The following SEMA3A variants were observed in gnomAD, a reference collection of about 807,000 sequenced individuals.
SEMA3A encodes semaphorin 3A, also known as semaphorin-3A.
In SEMA3A, 29 loss-of-function variants were observed where a neutral mutation model predicts 97.9. That is an observed-to-expected ratio of 0.30 (90% CI 0.22 to 0.40). The LOEUF (loss-of-function observed/expected upper bound fraction) is 0.40, where lower values mean the gene tolerates loss of function less well. Among genes scored for constraint, SEMA3A ranks in the 10% least tolerant of loss-of-function variants. The pLI is 1.00. For missense variants in SEMA3A, 763 were observed against 951.3 expected, an observed-to-expected ratio of 0.80 and a Z score of 2.60; for synonymous variants, 321 against 323.7, an observed-to-expected ratio of 0.99 and a Z score of 0.09.
intron 1 of SEMA3A, among the ~76,000 whole-genome samples, chr7:84,193,043 A>G (rs913267279): frequency 6.6e-6 from 1 of 151,996 alleles, no homozygotes; most frequent in Non-Finnish European, 1.5e-5. Flanking sequence ...TTAATTAAAT[A>G]ACGCTACATG....
At chr7:84,288,619 A>G (rs541200939) in intron 3 of SEMA3A, among the ~76,000 whole-genome samples, 1 of 151,936 alleles carries the variant, frequency 6.6e-6, no homozygotes, top group African/African-American at 2.4e-5. Flanking sequence ...AACTGCTTGA[A>G]CCCGGGAGGT....
At chr7:84,256,973 T>C (rs930074961) in intron 3 of SEMA3A, among the ~76,000 whole-genome samples, 16 of 152,122 alleles carry the variant, frequency 1.1e-4, no homozygotes, top group Non-Finnish European at 7.4e-5. Flanking sequence ...TTCTTTTTTT[T>C]TCTCTTTTGA....
chr7:84,037,914 C>T (rs1791999532), intron 6 of SEMA3A, among the ~76,000 whole-genome samples: 1 of 151,832 alleles, frequency 6.6e-6, no homozygotes, highest in South Asian at 2.1e-4. Context: ...CATGTAGTAA[C>T]CCATATATTT....
At chr7:84,213,512 T>C (rs547545245) in intron 3 of SEMA3A, among the ~76,000 whole-genome samples, 6 of 152,314 alleles carry the variant, frequency 3.9e-5, no homozygotes, top group Non-Finnish European at 7.4e-5. Context: ...CTTGAACTCC[T>C]GGCTCCCAAG....
intron 4 of SEMA3A, among the ~76,000 whole-genome samples, chr7:84,085,241 A>ATTT (rs34047125): frequency 0.012 from 1,883 of 150,884 alleles, 76 homozygotes; most frequent in East Asian, 0.12. Flanking sequence ...TTGGAATGAG[A>ATTT]TTTTTTTTTC....
intron 1 of SEMA3A, among the ~76,000 whole-genome samples, chr7:84,390,849 TA>T (rs1252442856): frequency 6.6e-6 from 1 of 152,156 alleles, no homozygotes; most frequent in Non-Finnish European, 1.5e-5. Flanking sequence ...AATGAGGAGT[TA>T]AAAATCAGAA....
At position 84,385,208 on chromosome 7, in the gene SEMA3A, G is replaced by C. The variant is rs566321764; in HGVS notation, c.-245-13308C>G. On this transcript the variant is annotated intron_variant, in intron 1 of 3. Coordinates refer to the SEMA3A transcript ENST00000424555. ...CCATAGACGTTTTGGTTCTAGCAAG[G>C]AGGCATTGTGAGGGGTGCTGAGCTG... Among the ~76,000 whole-genome samples, 7 of 152,222 alleles carry C rather than the reference G, an allele frequency of 4.6e-5. No individual in the cohort carries two copies. In the East Asian group the frequency reaches 1.4e-3, roughly 29 times the overall value.
intron 2 of SEMA3A, among the ~76,000 whole-genome samples, chr7:84,348,546 C>A (rs1040588084): frequency 2.6e-5 from 4 of 152,096 alleles, no homozygotes; most frequent in Non-Finnish European, 4.4e-5. Context: ...AAAAGCCAGA[C>A]CCCTAAAGTA....
intron 5 of SEMA3A, among the ~76,000 whole-genome samples, chr7:84,046,986 G>A (rs1217935820): frequency 6.6e-6 from 1 of 151,780 alleles, no homozygotes; most frequent in African/African-American, 2.4e-5. Context: ...TATTTTTCTT[G>A]CCAGAATTTT....
At chr7:84,020,838 C>A (rs1336741796) in intron 6 of SEMA3A, among the ~76,000 whole-genome samples, 1 of 152,090 alleles carries the variant, frequency 6.6e-6, no homozygotes, top group Non-Finnish European at 1.5e-5. Context: ...CTTCCCCCTG[C>A]ATTATCTATT....
chr7:84,210,613 G>C (rs1338969059), intron 3 of SEMA3A, among the ~76,000 whole-genome samples: 2 of 152,194 alleles, frequency 1.3e-5, no homozygotes, highest in Non-Finnish European at 2.9e-5. Context: ...TTAAGGAAGA[G>C]AATGCCATGG....
At chr7:84,288,963 A>T (rs1186298708) in intron 3 of SEMA3A, among the ~76,000 whole-genome samples, 1 of 152,128 alleles carries the variant, frequency 6.6e-6, no homozygotes, top group Non-Finnish European at 1.5e-5. Context: ...GGAAAAACCT[A>T]TGTGTCCTTC....
intron 2 of SEMA3A, among the ~76,000 whole-genome samples, chr7:84,132,633 T>C (rs939960887): frequency 3.4e-5 from 5 of 148,540 alleles, no homozygotes; most frequent in African/African-American, 1.2e-4. Context: ...CTAAAATCAA[T>C]ATATCTAATT....
chr7:84,408,511 A>C (rs536348529), intron 1 of SEMA3A, among the ~76,000 whole-genome samples: 4 of 152,058 alleles, frequency 2.6e-5, no homozygotes, highest in African/African-American at 7.3e-5. Context: ...TAGAACTAGA[A>C]ATACCATCTG....
At chr7:84,366,687 C>T (rs756267826) in intron 2 of SEMA3A, among the ~76,000 whole-genome samples, 8 of 151,332 alleles carry the variant, frequency 5.3e-5, no homozygotes, top group Non-Finnish European at 8.9e-5. Context: ...GGCAGAATTA[C>T]TTAAGTCTCC....
chr7:84,417,135 C>T (rs1478612937), intron 1 of SEMA3A, among the ~76,000 whole-genome samples: 2 of 152,008 alleles, frequency 1.3e-5, no homozygotes, highest in East Asian at 1.9e-4. Context: ...AGCAATCTTG[C>T]TCCAACCATG....
chr7:84,313,356 GTATATA>G (rs869145201), intron 2 of SEMA3A, among the ~76,000 whole-genome samples: 1,591 of 22,440 alleles, frequency 0.071, 31 homozygotes, highest in Admixed American at 0.12. Context: ...ATGTGTGTGT[GTATATA>G]TATATATATA....
intron 15 of SEMA3A, among the ~76,000 whole-genome samples, chr7:83,964,642 T>C (rs1201371254): frequency 6.6e-6 from 1 of 152,198 alleles, no homozygotes; most frequent in Non-Finnish European, 1.5e-5. Flanking sequence ...CCTCAGTGCC[T>C]GTTTCTCAAA....
At chr7:84,153,507 C>A (rs2116134295) in intron 1 of SEMA3A, among the ~76,000 whole-genome samples, 1 of 152,128 alleles carries the variant, frequency 6.6e-6, no homozygotes, top group African/African-American at 2.4e-5. Context: ...GAATTTTTTC[C>A]CCCAAAGGAA....
Sources: allele counts gnomAD v4.1 joint callset (sites outside exome capture counted in the v4.1 genomes callset), GRCh38; gene constraint gnomAD v4.1.1; transcripts MANE v1.5; gene names NCBI Gene and HGNC (gene_info 2026-07-23, HGNC 2026-07-21).